Variants in PCBP3 observed in about 807,000 individuals in gnomAD.
The protein encoded by PCBP3 is poly(rC)-binding protein 3.
A neutral mutation model predicts 52.7 loss-of-function variants in PCBP3; 25 were observed. That is an observed-to-expected ratio of 0.47 (90% CI 0.35 to 0.66). The LOEUF (loss-of-function observed/expected upper bound fraction) is 0.66, where lower values mean the gene tolerates loss of function less well. Among genes scored for constraint, PCBP3 ranks in the 30% least tolerant of loss-of-function variants. The pLI is 0.01. For synonymous variants in PCBP3, 162 were observed against 183.0 expected (o/e 0.89, Z 0.93); for missense variants, 391 against 490.3 (o/e 0.80, Z 1.91).
At chr21:45,840,361 G>A (rs1391664462) in intron 4 of PCBP3, among the ~76,000 whole-genome samples, 2 of 151,238 alleles carry the variant, frequency 1.3e-5, no homozygotes, top group Non-Finnish European at 2.9e-5. Flanking sequence ...GGAGGCTGAG[G>A]CAGGAGAATG....
intron 4 of PCBP3, among the ~76,000 whole-genome samples, chr21:45,784,414 C>T (rs1252901432): frequency 2.1e-5 from 3 of 140,500 alleles, no homozygotes; most frequent in Non-Finnish European, 4.7e-5. Flanking sequence ...CTACCGCTAC[C>T]GCTACCCCTA....
chr21:45,649,012 G>A (rs1459161899), intron 1 of PCBP3, among the ~76,000 whole-genome samples: 1 of 152,148 alleles, frequency 6.6e-6, no homozygotes, highest in African/African-American at 2.4e-5. Context: ...GAAATCTTGT[G>A]TTACTACAAG....
intron 4 of PCBP3, among the ~76,000 whole-genome samples, chr21:45,820,116 C>T (rs1345095194): frequency 1.3e-5 from 2 of 152,262 alleles, no homozygotes; most frequent in Non-Finnish European, 1.5e-5. Flanking sequence ...CAGCTCAGAC[C>T]TCATCTCCTC....
chr21:45,900,517 C>A, intron 7 of PCBP3, 74 bp from the exon 8 acceptor site: 1 of 1,224,714 alleles, frequency 8.2e-7, no homozygotes, highest in Non-Finnish European at 1.2e-6. Context: ...AGGCTGCTCC[C>A]CACCCACCAT....
intron 5 of PCBP3, chr21:45,872,347 T>C (rs1465537717): frequency 6.6e-6 from 1 of 152,254 alleles, no homozygotes; most frequent in Admixed American, 6.5e-5. Flanking sequence ...CCCGCATTTT[T>C]CCTAGTTTCC....
chr21:45,812,922 T>C (rs747739291), intron 4 of PCBP3, among the ~76,000 whole-genome samples: 5 of 152,220 alleles, frequency 3.3e-5, no homozygotes, highest in Non-Finnish European at 7.3e-5. Context: ...CTTTGTGCAA[T>C]GTATTTTTTT....
chr21:45,797,847 T>G (rs111289883), intron 4 of PCBP3, among the ~76,000 whole-genome samples: 17 of 113,062 alleles, frequency 1.5e-4, no homozygotes, highest in Non-Finnish European at 2.1e-4. Context: ...AGTGAATGCA[T>G]GGATGGACGA....
intron 1 of PCBP3, among the ~76,000 whole-genome samples, chr21:45,667,468 T>C (rs186509072): frequency 2.0e-5 from 3 of 152,220 alleles, no homozygotes; most frequent in Non-Finnish European, 4.4e-5. Flanking sequence ...TGAACCACTC[T>C]AATGAATGTG....
intron 2 of PCBP3, among the ~76,000 whole-genome samples, chr21:45,689,914 A>G (rs115149209): frequency 0.021 from 3,254 of 152,204 alleles, 118 homozygotes; most frequent in African/African-American, 0.072. Flanking sequence ...GGAAGACTCA[A>G]TGTTGGTAAA....
chr21:45,940,222 T>A, intron 17 of PCBP3, 23 bp downstream of exon 17: 1 of 1,591,014 alleles, frequency 6.3e-7, no homozygotes, highest in Non-Finnish European at 8.6e-7. Flanking sequence ...CAAGGGTCTC[T>A]GAGAGACGCC....
At chr21:45,773,267 T>A (rs2090015538) in intron 4 of PCBP3, among the ~76,000 whole-genome samples, 1 of 152,176 alleles carries the variant, frequency 6.6e-6, no homozygotes, top group South Asian at 2.1e-4. Flanking sequence ...ATTTTTATAG[T>A]TTCAGGTCTT....
intron 2 of PCBP3, among the ~76,000 whole-genome samples, chr21:45,700,940 A>T (rs2083086327): frequency 6.6e-6 from 1 of 152,140 alleles, no homozygotes; most frequent in Non-Finnish European, 1.5e-5. Flanking sequence ...TAGGAGCGAA[A>T]AATCATCTGC....
intron 11 of PCBP3, chr21:45,911,453 A>G (rs1266925059): frequency 1.1e-5 from 3 of 274,086 alleles, no homozygotes; most frequent in African/African-American, 4.5e-5. Flanking sequence ...GCAGTTCTGC[A>G]GAAGGAGGCG....
chr21:45,923,189 G>A (rs1282056989), intron 13 of PCBP3, among the ~76,000 whole-genome samples: 3 of 152,214 alleles, frequency 2.0e-5, no homozygotes, highest in Non-Finnish European at 2.9e-5. Flanking sequence ...CACTTGTTCT[G>A]TGTCTCCCTC....
At chr21:45,912,054 G>A (rs554881376) in intron 11 of PCBP3, among the ~76,000 whole-genome samples, 1 of 152,190 alleles carries the variant, frequency 6.6e-6, no homozygotes, top group Non-Finnish European at 1.5e-5. Context: ...GAGGGCCGAG[G>A]TCCAGCTCCT....
chr21:45,798,959 C>G, intron 4 of PCBP3, among the ~76,000 whole-genome samples: 1 of 144,768 alleles, frequency 6.9e-6, no homozygotes, highest in African/African-American at 2.6e-5. Context: ...ATGCATGGAT[C>G]TGTAGAGAGA....
intron 5 of PCBP3, among the ~76,000 whole-genome samples, chr21:45,866,025 T>C (rs541859017): frequency 1.8e-4 from 28 of 152,302 alleles, no homozygotes; most frequent in African/African-American, 6.5e-4. Flanking sequence ...CCTGCCGCAC[T>C]CCAGCCAGCA....
chr21:45,755,059 A>G (rs1887869775), intron 3 of PCBP3, among the ~76,000 whole-genome samples: 1 of 152,208 alleles, frequency 6.6e-6, no homozygotes, highest in Admixed American at 6.5e-5. Context: ...TTATGCAGAT[A>G]TTAGCTATCA....
chr21:45,651,175 AAATTTGTGAT>A (rs1444772356), intron 1 of PCBP3, among the ~76,000 whole-genome samples: 9 of 152,178 alleles, frequency 5.9e-5, no homozygotes, highest in Non-Finnish European at 1.2e-4. Flanking sequence ...TTAAGGTGTT[AAATTTGTGAT>A]AGCTTGTTAT....
Sources: gnomAD v4.1 joint callset for allele counts (sites outside exome capture counted in the v4.1 genomes callset) on GRCh38, gnomAD v4.1.1 for gene constraint, MANE v1.5 for transcripts, NCBI Gene and HGNC (gene_info 2026-07-23, HGNC 2026-07-21) for gene names.